The following CSMD3 variants were observed in gnomAD, a reference collection of about 807,000 sequenced individuals.
CSMD3 encodes the protein CUB and Sushi multiple domains 3.
A neutral mutation model predicts 435.2 loss-of-function variants in CSMD3; 177 were observed. The observed-to-expected ratio is 0.41, with a 90% CI of 0.36 to 0.46. CSMD3 has a LOEUF of 0.46. Ranked by LOEUF, CSMD3 falls within the 20% of genes least tolerant of loss-of-function variation. The pLI is 0.34. For missense variants in CSMD3, 4,265 were observed against 4,504.6 expected, an observed-to-expected ratio of 0.95 and a Z score of 1.52; for synonymous variants, 1,656 against 1,520.5, an observed-to-expected ratio of 1.09 and a Z score of -2.07.
At chr8:113,027,350 A>C (rs950818246) in intron 5 of CSMD3, among the ~76,000 whole-genome samples, 7 of 152,156 alleles carry the variant, frequency 4.6e-5, no homozygotes, top group African/African-American at 1.4e-4. Context: ...AAAATAAAAA[A>C]AACTTTCTGT....
chr8:112,352,731 T>C (rs570464549), intron 38 of CSMD3, among the ~76,000 whole-genome samples, 197 bp from the exon 39 acceptor site: 21 of 152,298 alleles, frequency 1.4e-4, no homozygotes, highest in African/African-American at 4.8e-4. Context: ...TATAAAGCTA[T>C]ACAATTTTAA....
chr8:112,428,843 A>G (rs1304493092), intron 32 of CSMD3, among the ~76,000 whole-genome samples: 5 of 152,124 alleles, frequency 3.3e-5, no homozygotes, highest in Non-Finnish European at 7.4e-5. Context: ...AATGGGCATT[A>G]ATACTGGCAC....
intron 41 of CSMD3, among the ~76,000 whole-genome samples, chr8:112,341,989 C>T (rs935977417): frequency 1.3e-5 from 2 of 152,068 alleles, no homozygotes; most frequent in South Asian, 2.1e-4. Context: ...CTTTAATACG[C>T]TTTAAATTAC....
chr8:113,166,942 A>G (rs891621802), intron 4 of CSMD3, among the ~76,000 whole-genome samples: 1 of 152,174 alleles, frequency 6.6e-6, no homozygotes, highest in African/African-American at 2.4e-5. Flanking sequence ...TACATACATT[A>G]ACTAATATAA....
chr8:112,273,774 A>G (rs1465443688), intron 59 of CSMD3, among the ~76,000 whole-genome samples: 1 of 151,518 alleles, frequency 6.6e-6, no homozygotes, highest in African/African-American at 2.4e-5. Context: ...ATGTATACTG[A>G]TAACTAAAAT....
At chr8:113,407,582 G>T (rs2094538266) in intron 1 of CSMD3, among the ~76,000 whole-genome samples, 1 of 151,826 alleles carries the variant, frequency 6.6e-6, no homozygotes, top group African/African-American at 2.4e-5. Flanking sequence ...GTGTGTGTGT[G>T]TTTGTGTGTG....
intron 22 of CSMD3, among the ~76,000 whole-genome samples, chr8:112,592,044 T>A (rs979749943): frequency 7.2e-5 from 11 of 152,134 alleles, no homozygotes; most frequent in African/African-American, 2.6e-4. Context: ...CTAAAAATTG[T>A]GAAATATGGT....
chr8:113,238,129 C>CTGAATTA (rs2093171083), intron 3 of CSMD3, among the ~76,000 whole-genome samples: 1 of 150,366 alleles, frequency 6.7e-6, no homozygotes, highest in Non-Finnish European at 1.5e-5. Context: ...GAGAATGGCT[C>CTGAATTA]TGAATTATGC....
At chr8:113,011,305 AAT>A (rs2086246623) in intron 6 of CSMD3, among the ~76,000 whole-genome samples, 1 of 151,822 alleles carries the variant, frequency 6.6e-6, no homozygotes, top group African/African-American at 2.4e-5. Context: ...AGAAAGATAA[AAT>A]GTTTTACTAG....
At chr8:113,192,448 TA>T (rs562962626) in intron 3 of CSMD3, among the ~76,000 whole-genome samples, 9 of 151,676 alleles carry the variant, frequency 5.9e-5, no homozygotes, top group Non-Finnish European at 1.2e-4. Flanking sequence ...CTCTGCTTTA[TA>T]AAAAAGCTAT....
chr8:112,372,062 A>G (rs1353581149), intron 38 of CSMD3, among the ~76,000 whole-genome samples: 1 of 152,094 alleles, frequency 6.6e-6, no homozygotes, highest in African/African-American at 2.4e-5. Flanking sequence ...AAAAACATGA[A>G]CACTGATGGG....
At chr8:113,363,063 T>C (rs2133000278) in intron 1 of CSMD3, among the ~76,000 whole-genome samples, 1 of 152,316 alleles carries the variant, frequency 6.6e-6, no homozygotes, top group East Asian at 1.9e-4. Context: ...CTCTCCTCAA[T>C]GTGTGTGTAA....
At chr8:112,253,539 C>T (rs1490656387) in intron 63 of CSMD3, among the ~76,000 whole-genome samples, 6 of 151,942 alleles carry the variant, frequency 3.9e-5, no homozygotes, top group Admixed American at 3.3e-4. Context: ...TTACAAAACC[C>T]GGCAACACAG....
intron 6 of CSMD3, among the ~76,000 whole-genome samples, chr8:113,004,216 T>G (rs1227615428): frequency 1.1e-4 from 16 of 151,950 alleles, no homozygotes; most frequent in Admixed American, 9.9e-4. Context: ...AAAAAACAAA[T>G]TTGTCCCATT....
intron 1 of CSMD3, among the ~76,000 whole-genome samples, chr8:113,333,935 C>T (rs2094048192): frequency 1.3e-5 from 2 of 151,874 alleles, no homozygotes; most frequent in South Asian, 4.1e-4. Context: ...AGATCCCCAT[C>T]TTGAACTTCT....
chr8:113,418,452 G>A (rs894952054), intron 1 of CSMD3, among the ~76,000 whole-genome samples: 7 of 152,128 alleles, frequency 4.6e-5, no homozygotes, highest in Non-Finnish European at 8.8e-5. Flanking sequence ...GGAGTGGGTA[G>A]TAAGAGTCCA....
rs2130989087 is a variant in CSMD3 at position 112,517,149 on chromosome 8, C to T, written c.4641G>A (p.Gly1547=). The part of the protein sequence containing the change: ...GTRNGDGREP[G]DTVVFQCDPG... Reference sequence around the variant, plus strand: ...GGTCACATTGAAAAACAACAGTGTCCCCAGGTTCTCTTCCATCCCCATTTC... The same window carrying T: ...GGTCACATTGAAAAACAACAGTGTCTCCAGGTTCTCTTCCATCCCCATTTC... The change falls in exon 28 of 71, where the codon GGG becomes GGA. Residue 1547 remains glycine, a synonymous_variant. Coordinates refer to ENST00000297405, the MANE Select transcript of CSMD3 (RefSeq NM_198123.2). 2 of 1,613,728 alleles carry T rather than the reference C, an allele frequency of 1.2e-6. No individual in the cohort carries two copies. The highest frequency in any genetic ancestry group is 8.5e-7 in the Non-Finnish European group (1 of 1,179,866).
chr8:112,317,316 TA>T (rs1563780877), intron 47 of CSMD3, among the ~76,000 whole-genome samples: 1 of 152,004 alleles, frequency 6.6e-6, no homozygotes, highest in Non-Finnish European at 1.5e-5. Context: ...CTTTAATTCG[TA>T]AAAAATTTTT....
chr8:112,484,346 C>T (rs1279767692), intron 31 of CSMD3, among the ~76,000 whole-genome samples: 1 of 152,032 alleles, frequency 6.6e-6, no homozygotes, highest in Non-Finnish European at 1.5e-5. Flanking sequence ...GCATTATAAT[C>T]GTTTCAGATA....
Sources: gnomAD v4.1 joint callset for allele counts (sites outside exome capture counted in the v4.1 genomes callset) on GRCh38, gnomAD v4.1.1 for gene constraint, MANE v1.5 for transcripts, NCBI Gene and HGNC (gene_info 2026-07-23, HGNC 2026-07-21) for gene names.